The following LRFN5 variants were observed in gnomAD, a reference collection of about 807,000 sequenced individuals.
LRFN5 encodes the protein leucine rich repeat and fibronectin type III domain containing 5.
A neutral mutation model predicts 45.6 loss-of-function variants in LRFN5; 24 were observed. That is an observed-to-expected ratio of 0.53 (90% CI 0.38 to 0.74). LRFN5 has a LOEUF of 0.74. Ranked by LOEUF, LRFN5 falls within the 30% of genes least tolerant of loss-of-function variation. LRFN5 has a pLI of 0.00. For synonymous variants in LRFN5, 340 were observed against 313.8 expected, an observed-to-expected ratio of 1.08 and a Z score of -0.88; for missense variants, 776 against 861.5, an observed-to-expected ratio of 0.90 and a Z score of 1.24.
intron 2 of LRFN5, among the ~76,000 whole-genome samples, chr14:41,860,566 C>A (rs1432144339): frequency 6.6e-6 from 1 of 152,194 alleles, no homozygotes; most frequent in Non-Finnish European, 1.5e-5. Flanking sequence ...TCTACTGTCT[C>A]ATAGCATACT....
intron 1 of LRFN5, among the ~76,000 whole-genome samples, chr14:41,675,318 G>C (rs888598343): frequency 9.2e-5 from 14 of 152,254 alleles, no homozygotes; most frequent in Non-Finnish European, 1.9e-4. Flanking sequence ...GCACCATTGA[G>C]CACTGAGTGA....
At chr14:41,633,056 T>A (rs1239681697) in intron 1 of LRFN5, among the ~76,000 whole-genome samples, 2 of 152,022 alleles carry the variant, frequency 1.3e-5, no homozygotes, top group African/African-American at 2.4e-5. Flanking sequence ...AACCTCAGGG[T>A]CTTCATCTGT....
intron 2 of LRFN5, among the ~76,000 whole-genome samples, chr14:41,854,924 A>T (rs1399290655): frequency 6.6e-6 from 1 of 152,228 alleles, no homozygotes; most frequent in East Asian, 1.9e-4. Context: ...TATCTATGGC[A>T]TGAGTCATCT....
chr14:41,893,801 C>G (rs1404252649), intron 4 of LRFN5: 5 of 985,156 alleles, frequency 5.1e-6, no homozygotes, highest in Non-Finnish European at 6.0e-6. Context: ...TGCTAAATCC[C>G]TTCTCTGCCC....
At chr14:41,878,115 T>G (rs1890248354) in intron 2 of LRFN5, among the ~76,000 whole-genome samples, 1 of 152,076 alleles carries the variant, frequency 6.6e-6, no homozygotes, top group Admixed American at 6.6e-5. Flanking sequence ...AGAAAAAAAG[T>G]TAGACAGAAA....
intron 2 of LRFN5, among the ~76,000 whole-genome samples, chr14:41,847,514 A>C (rs1016711686): frequency 3.9e-5 from 6 of 152,102 alleles, no homozygotes; most frequent in Admixed American, 1.3e-4. Context: ...CAAATTTTTA[A>C]AATTACATCA....
intron 2 of LRFN5, among the ~76,000 whole-genome samples, chr14:41,771,117 G>A (rs905262996): frequency 6.6e-6 from 1 of 151,508 alleles, no homozygotes; most frequent in South Asian, 2.1e-4. Flanking sequence ...CAAGTATATG[G>A]GGAGCAATAT....
At chr14:41,753,342 T>C (rs1337148830) in intron 1 of LRFN5, among the ~76,000 whole-genome samples, 1 of 152,220 alleles carries the variant, frequency 6.6e-6, no homozygotes, top group East Asian at 1.9e-4. Context: ...ATTGAATCTA[T>C]AAATTACCTT....
At chr14:41,823,421 T>TTATCTG (rs1555323387) in intron 2 of LRFN5, among the ~76,000 whole-genome samples, 3 of 150,642 alleles carry the variant, frequency 2.0e-5, no homozygotes, top group African/African-American at 7.3e-5. Context: ...AATTCTTGGC[T>TTATCTG]TATCTATATC....
At chr14:41,715,378 G>A (rs972151460) in intron 1 of LRFN5, among the ~76,000 whole-genome samples, 9 of 152,106 alleles carry the variant, frequency 5.9e-5, no homozygotes, top group Non-Finnish European at 1.2e-4. Flanking sequence ...TTTCAATTAG[G>A]TTAACAATGT....
intron 4 of LRFN5, among the ~76,000 whole-genome samples, chr14:41,896,034 A>G (rs1890928602): frequency 6.6e-6 from 1 of 152,062 alleles, no homozygotes; most frequent in Non-Finnish European, 1.5e-5. Flanking sequence ...ATTTGCTTGT[A>G]TTTTTGAAAA....
intron 1 of LRFN5, among the ~76,000 whole-genome samples, chr14:41,659,890 ATG>A (rs1880560106): frequency 8.0e-6 from 1 of 124,658 alleles, no homozygotes; most frequent in African/African-American, 3.0e-5. Context: ...CCACTTTTTG[ATG>A]TTTTTTTTTT....
intron 2 of LRFN5, 59 bp from the exon 3 acceptor site, chr14:41,886,547 A>T: frequency 1.9e-6 from 2 of 1,076,014 alleles, no homozygotes; most frequent in Non-Finnish European, 2.7e-6. Flanking sequence ...TCTAGTAGGA[A>T]TATGAATATG....
intron 1 of LRFN5, among the ~76,000 whole-genome samples, chr14:41,758,848 A>T (rs544213199): frequency 6.6e-6 from 1 of 152,104 alleles, no homozygotes; most frequent in Non-Finnish European, 1.5e-5. Context: ...TTTCCTTTTT[A>T]AAATATTCTC....
chr14:41,680,047 G>A (rs1017831936), intron 1 of LRFN5, among the ~76,000 whole-genome samples: 7 of 152,180 alleles, frequency 4.6e-5, no homozygotes, highest in Non-Finnish European at 1.5e-5. Context: ...GGGGAGGGAA[G>A]AGTTGGAAGG....
intron 1 of LRFN5, among the ~76,000 whole-genome samples, chr14:41,738,992 T>G (rs1385195903): frequency 2.0e-5 from 3 of 152,176 alleles, no homozygotes; most frequent in Non-Finnish European, 4.4e-5. Flanking sequence ...CTTCTATAGA[T>G]CACATGTTAG....
At chr14:41,898,022 T>C (rs950016521) in intron 4 of LRFN5, among the ~76,000 whole-genome samples, 4 of 152,096 alleles carry the variant, frequency 2.6e-5, no homozygotes, top group African/African-American at 7.2e-5. Context: ...TTTGTATTCT[T>C]TTTTTCATCT....
intron 2 of LRFN5, among the ~76,000 whole-genome samples, chr14:41,789,482 A>G (rs1886842298): frequency 1.3e-5 from 2 of 151,974 alleles, no homozygotes; most frequent in Admixed American, 6.6e-5. Context: ...CCTAAATGTC[A>G]GTCATTTTGA....
intron 1 of LRFN5, among the ~76,000 whole-genome samples, chr14:41,747,500 A>G (rs565470869): frequency 1.3e-5 from 2 of 152,176 alleles, no homozygotes; most frequent in Admixed American, 6.5e-5. Flanking sequence ...GGACCTTTAC[A>G]TAACACCATA....
Sources: allele counts gnomAD v4.1 joint callset (sites outside exome capture counted in the v4.1 genomes callset), GRCh38; gene constraint gnomAD v4.1.1; transcripts MANE v1.5; gene names NCBI Gene and HGNC (gene_info 2026-07-23, HGNC 2026-07-21).